The following PDSS2 variants were observed in gnomAD, a reference collection of about 807,000 sequenced individuals.
The protein encoded by PDSS2 is all trans-polyprenyl-diphosphate synthase PDSS2.
A neutral mutation model predicts 44.5 loss-of-function variants in PDSS2; 31 were observed. The observed-to-expected ratio is 0.70, with a 90% CI of 0.52 to 0.94. PDSS2 has a LOEUF of 0.94. PDSS2 is among the 40% of genes least tolerant of loss of function. The pLI is 0.00. For synonymous variants in PDSS2, 157 were observed against 180.3 expected (o/e 0.87, Z 1.03); for missense variants, 452 against 482.2 (o/e 0.94, Z 0.59).
intron 1 of PDSS2, among the ~76,000 whole-genome samples, chr6:107,346,487 C>T (rs992615684): frequency 1.3e-5 from 2 of 152,122 alleles, no homozygotes; most frequent in African/African-American, 2.4e-5. Flanking sequence ...TTTGATTATT[C>T]TTCTTCCTTG....
At chr6:107,166,361 GTTTT>G (rs34385593) in intron 7 of PDSS2, among the ~76,000 whole-genome samples, 9 of 100,928 alleles carry the variant, frequency 8.9e-5, no homozygotes, top group Non-Finnish European at 9.8e-5. Flanking sequence ...TTTATTGAGA[GTTTT>G]TTTTTTTTTT....
chr6:107,423,925 T>C (rs185981555), intron 1 of PDSS2, among the ~76,000 whole-genome samples: 1 of 151,976 alleles, frequency 6.6e-6, no homozygotes, highest in Non-Finnish European at 1.5e-5. Context: ...TCTTCTTCCA[T>C]AAAGCCTTTG....
At chr6:107,297,777 A>C (rs572085656) in intron 2 of PDSS2, among the ~76,000 whole-genome samples, 2 of 147,116 alleles carry the variant, frequency 1.4e-5, no homozygotes, top group African/African-American at 5.0e-5. Flanking sequence ...ACAGAGTCTC[A>C]CTCTGTTGCC....
intron 1 of PDSS2, among the ~76,000 whole-genome samples, chr6:107,334,709 T>TAAA (rs55678823): frequency 5.9e-5 from 7 of 119,180 alleles, no homozygotes; most frequent in African/African-American, 1.6e-4. Context: ...CTCAGCTAAT[T>TAAA]AAAAAAAAAA....
intron 7 of PDSS2, among the ~76,000 whole-genome samples, chr6:107,185,206 A>G (rs1772125979): frequency 6.6e-6 from 1 of 152,052 alleles, no homozygotes; most frequent in Non-Finnish European, 1.5e-5. Flanking sequence ...AGAGATAAAT[A>G]TAATGCAAGC....
At chr6:107,457,256 T>C (rs1365950854) in intron 1 of PDSS2, among the ~76,000 whole-genome samples, 1 of 152,200 alleles carries the variant, frequency 6.6e-6, no homozygotes, top group African/African-American at 2.4e-5. Flanking sequence ...TTCTTTATCT[T>C]AACTGTATCA....
At chr6:107,387,254 G>C (rs1255535619) in intron 1 of PDSS2, among the ~76,000 whole-genome samples, 1 of 152,190 alleles carries the variant, frequency 6.6e-6, no homozygotes, top group African/African-American at 2.4e-5. Flanking sequence ...GAGATGACAG[G>C]CCTGCAGGTG....
Position 107,242,057 on chromosome 6 carries a change from C to T in PDSS2, c.702+3491G>A, listed in dbSNP as rs142591564. Among the ~76,000 whole-genome samples, 415 of 152,158 alleles carry T rather than the reference C, an allele frequency of 2.7e-3. 2 individuals are homozygous for T. Among genetic ancestry groups the T allele is most frequent in the African/African-American group, 9.0e-3 (373 of 41,488 alleles). ...AGTGCTCTCTCTGGCATCTGAAGTA[C>T]TTCTTGCGCTGTTAGAAAAAACAAA... On this transcript the variant is annotated intron_variant, in intron 4 of 7. Transcript: ENST00000369037.
intron 3 of PDSS2, among the ~76,000 whole-genome samples, chr6:107,260,733 G>T (rs1321671123): frequency 7.0e-6 from 1 of 143,618 alleles, no homozygotes; most frequent in African/African-American, 2.6e-5. Context: ...GCGCAATCTC[G>T]GCTCACTGCA....
chr6:107,350,864 C>G (rs929169336), intron 1 of PDSS2, among the ~76,000 whole-genome samples: 2 of 151,778 alleles, frequency 1.3e-5, no homozygotes, highest in African/African-American at 4.8e-5. Flanking sequence ...CAGTCATTAT[C>G]TTTTCCCTGG....
chr6:107,176,783 A>T (rs532811259), intron 7 of PDSS2, among the ~76,000 whole-genome samples: 10 of 152,230 alleles, frequency 6.6e-5, no homozygotes, highest in Non-Finnish European at 1.5e-4. Flanking sequence ...GGATACATTT[A>T]TATGATATAA....
At chr6:107,184,960 G>A (rs1772111138) in intron 7 of PDSS2, among the ~76,000 whole-genome samples, 1 of 151,758 alleles carries the variant, frequency 6.6e-6, no homozygotes, top group African/African-American at 2.4e-5. Flanking sequence ...TGAGACAAAT[G>A]ATATGAAATG....
At chr6:107,177,131 CTTT>C (rs5878907) in intron 7 of PDSS2, among the ~76,000 whole-genome samples, 168 of 119,512 alleles carry the variant, frequency 1.4e-3, no homozygotes, top group East Asian at 6.1e-3. Flanking sequence ...TAATGTAATT[CTTT>C]TTTTTTTTTT....
intron 3 of PDSS2, among the ~76,000 whole-genome samples, chr6:107,261,680 C>G (rs950374970): frequency 6.7e-6 from 1 of 149,216 alleles, no homozygotes; most frequent in African/African-American, 2.5e-5. Flanking sequence ...TGGGTTCAAG[C>G]AATTCTCCTG....
At chr6:107,327,998 T>G (rs1187225539) in intron 2 of PDSS2, among the ~76,000 whole-genome samples, 1 of 152,214 alleles carries the variant, frequency 6.6e-6, no homozygotes, top group Non-Finnish European at 1.5e-5. Flanking sequence ...AAAACACTTA[T>G]GTTATACAGA....
intron 1 of PDSS2, among the ~76,000 whole-genome samples, chr6:107,446,690 C>G (rs1052887397): frequency 6.6e-6 from 1 of 152,094 alleles, no homozygotes; most frequent in Non-Finnish European, 1.5e-5. Flanking sequence ...CACAGGCCAG[C>G]AGAAGAGAGA....
intron 1 of PDSS2, among the ~76,000 whole-genome samples, chr6:107,458,412 C>CAAAAAAAAAAAAAAA (rs60758453): frequency 0.076 from 5,909 of 77,550 alleles, 1,633 homozygotes; most frequent in Non-Finnish European, 0.11. Context: ...GACTCCGTCT[C>CAAAAAAAAAAAAAAA]AAAAAAAAAA....
At chr6:107,404,780 G>A (rs1168326171) in intron 1 of PDSS2, among the ~76,000 whole-genome samples, 1 of 152,060 alleles carries the variant, frequency 6.6e-6, no homozygotes, top group Non-Finnish European at 1.5e-5. Flanking sequence ...ATGAGATTTG[G>A]GTAGGGACAC....
chr6:107,382,910 G>A (rs1779496128), intron 1 of PDSS2, among the ~76,000 whole-genome samples: 1 of 151,994 alleles, frequency 6.6e-6, no homozygotes, highest in South Asian at 2.1e-4. Context: ...TCAATCAACA[G>A]GGAAAATAAT....
Sources: gnomAD v4.1 joint callset for allele counts (sites outside exome capture counted in the v4.1 genomes callset) on GRCh38, gnomAD v4.1.1 for gene constraint, MANE v1.5 for transcripts, NCBI Gene and HGNC (gene_info 2026-07-23, HGNC 2026-07-21) for gene names.